Variants in MAP3K13 observed in about 807,000 individuals in gnomAD.
MAP3K13 encodes leucine zipper-bearing kinase.
MAP3K13 carries 52 observed loss-of-function variants against 104.0 expected under a neutral mutation model. The ratio of observed to expected loss-of-function variants is 0.50; its 90% CI spans 0.40 to 0.63. The LOEUF (loss-of-function observed/expected upper bound fraction) is 0.63, where lower values mean the gene tolerates loss of function less well. MAP3K13 is among the 20% of genes least tolerant of loss of function. The pLI is 0.00. For synonymous variants in MAP3K13, 394 were observed against 442.2 expected (o/e 0.89, Z 1.37); for missense variants, 914 against 1,218.5 (o/e 0.75, Z 3.72).
Position 185,451,379 on chromosome 3 carries a change from C to T in MAP3K13, c.1262C>T (p.Thr421Ile). 1 of 1,612,846 alleles carries T rather than the reference C, an allele frequency of 6.2e-7. No individual in the cohort carries two copies. The highest frequency in any genetic ancestry group is 8.5e-7 in the Non-Finnish European group (1 of 1,178,910). The change falls in exon 7 of 14, where the codon ACT becomes ATT. Residue 421 changes from threonine (T) to isoleucine (I), a missense_variant. By Grantham distance (89) the Thr-to-Ile change is moderately conservative (BLOSUM62 -1). Coordinates refer to ENST00000265026, the MANE Select transcript of MAP3K13 (RefSeq NM_004721.5). Reference sequence around the variant, plus strand: ...GATGTACTTGCCACCCCACAAGAAACTTACTTCAAGTCTCAGGTAAGTTGG... The same window carrying T: ...GATGTACTTGCCACCCCACAAGAAATTTACTTCAAGTCTCAGGTAAGTTGG... Reference protein sequence around the residue: ...SADVLATPQETYFKSQAEWRE... With the variant: ...SADVLATPQEIYFKSQAEWRE...
chr3:185,288,395 AAT>A (rs1720608494), intron 2 of MAP3K13, among the ~76,000 whole-genome samples: 1 of 151,094 alleles, frequency 6.6e-6, no homozygotes, highest in East Asian at 1.9e-4. Flanking sequence ...ATGTTCCAGA[AAT>A]ATATATATTT....
chr3:185,290,864 G>T (rs1280479599), intron 2 of MAP3K13, among the ~76,000 whole-genome samples: 1 of 152,104 alleles, frequency 6.6e-6, no homozygotes, highest in Non-Finnish European at 1.5e-5. Context: ...AAGATAAACA[G>T]AATGAGCACA....
chr3:185,329,317 C>G (rs1722161462), intron 2 of MAP3K13: 1 of 694,952 alleles, frequency 1.4e-6, no homozygotes, highest in Non-Finnish European at 2.6e-6. Context: ...ATGTTCTTTC[C>G]AGTTGCTTTT....
chr3:185,373,823 A>ATT (rs148364519), intron 1 of MAP3K13, among the ~76,000 whole-genome samples: 94 of 113,338 alleles, frequency 8.3e-4, no homozygotes, highest in African/African-American at 2.2e-3. Context: ...AGTGAAAAGG[A>ATT]TTTTTTTTTT....
intron 2 of MAP3K13, among the ~76,000 whole-genome samples, chr3:185,310,301 C>A (rs1039311191): frequency 2.6e-5 from 4 of 152,146 alleles, no homozygotes; most frequent in Non-Finnish European, 2.9e-5. Context: ...AATAACTATT[C>A]TTTCCTTCAG....
At chr3:185,285,691 T>C in intron 2 of MAP3K13, 1 of 1,457,696 alleles carries the variant, frequency 6.9e-7, no homozygotes, top group Non-Finnish European at 9.3e-7. Flanking sequence ...TAGACCAATC[T>C]TAAATTTGCC....
chr3:185,421,762 G>T (rs993020862), intron 1 of MAP3K13, among the ~76,000 whole-genome samples: 2 of 152,140 alleles, frequency 1.3e-5, no homozygotes. Flanking sequence ...GGAACCACCT[G>T]TGTTCCCGCA....
chr3:185,320,174 G>A lies in MAP3K13; in HGVS notation c.-86+34531G>A, dbSNP rs139332727. On this transcript the variant is annotated intron_variant, in intron 2 of 14. Transcript: ENST00000424227. Reference sequence around the variant, plus strand: ...CAGCTCACTGCAACCTCCACCTCCCGGATTCAAGCAATTCTCCTGCCTCAG... The same window carrying A: ...CAGCTCACTGCAACCTCCACCTCCCAGATTCAAGCAATTCTCCTGCCTCAG... Among the ~76,000 whole-genome samples the A allele has an allele frequency of 1.6e-3, 236 of 150,740 alleles. 2 individuals are homozygous for A. The highest frequency in any genetic ancestry group is 5.0e-3 in the African/African-American group (205 of 41,048).
chr3:185,326,654 AG>A (rs1329986320), intron 2 of MAP3K13, among the ~76,000 whole-genome samples: 1 of 152,170 alleles, frequency 6.6e-6, no homozygotes, highest in African/African-American at 2.4e-5. Flanking sequence ...TCAGCAAGTA[AG>A]GGATAGAACC....
At chr3:185,321,018 CAT>C (rs898892514) in intron 2 of MAP3K13, among the ~76,000 whole-genome samples, 1 of 117,524 alleles carries the variant, frequency 8.5e-6, no homozygotes, top group African/African-American at 2.8e-5. Context: ...TGTATATATA[CAT>C]ATGTGTGTAT....
At chr3:185,452,050 G>C (rs1015266714) in intron 7 of MAP3K13, among the ~76,000 whole-genome samples, 1 of 152,026 alleles carries the variant, frequency 6.6e-6, no homozygotes, top group Admixed American at 6.6e-5. Flanking sequence ...TATCTTCTTT[G>C]AAGTAGAAAA....
upstream of MAP3K13, among the ~76,000 whole-genome samples, chr3:185,361,097 T>TAC (rs1180489126): frequency 3.7e-5 from 2 of 54,322 alleles, no homozygotes; most frequent in African/African-American, 8.4e-5. Context: ...TATATATATA[T>TAC]ATGTGTGTGT....
Position 185,482,798 on chromosome 3 carries a change from CAAT to C in MAP3K13, c.*346_*348del. On this transcript the variant is annotated 3_prime_UTR_variant, in exon 14 of 14. Coordinates refer to ENST00000265026, the MANE Select transcript of MAP3K13 (RefSeq NM_004721.5). This position sits in a 1 kb window ranked among gnomAD's most constrained non-coding sequence, Gnocchi z 4.5. ...GTGAACTATATATGAGATAGAGAGACAATAATTTCTTGCAAAAAAAAAAAGAGA... is the reference window on the plus strand; with the variant it reads ...GTGAACTATATATGAGATAGAGAGACAATTTCTTGCAAAAAAAAAAAGAGA... The C allele has an allele frequency of 4.4e-6, 1 of 225,300 alleles. No individual in the cohort carries two copies. The highest frequency in any genetic ancestry group is 8.5e-6 in the Non-Finnish European group (1 of 118,176). The allele number at this position is 225,300 out of a possible 1,614,324, so 14.0% of individuals were successfully genotyped here.
At chr3:185,369,077 C>A (rs12152485) in intron 1 of MAP3K13, among the ~76,000 whole-genome samples, 72,782 of 151,930 alleles carry the variant, frequency 0.48, 19,255 homozygotes, top group Middle Eastern at 0.63. Context: ...ATTAGGTACG[C>A]AGCAGTGAAT....
At chr3:185,329,148 T>A in intron 2 of MAP3K13, 1 of 693,494 alleles carries the variant, frequency 1.4e-6, no homozygotes, top group Non-Finnish European at 2.6e-6. Flanking sequence ...AAGAAAGCCG[T>A]GAGGTGTATC....
intron 2 of MAP3K13, 130 bp downstream of exon 2, chr3:185,429,186 A>C (rs2108802644): frequency 6.3e-5 from 52 of 825,774 alleles, no homozygotes; most frequent in Non-Finnish European, 8.4e-5. Flanking sequence ...TGAATACCTC[A>C]TTTCAGTTTC....
chr3:185,363,143 A>G lies in MAP3K13; in HGVS notation c.-311A>G, dbSNP rs1352594980. The G allele has an allele frequency of 5.1e-6, 5 of 984,372 alleles. No homozygotes were observed. The highest frequency in any genetic ancestry group is 4.8e-6 in the Non-Finnish European group (4 of 829,756). 61.0% of individuals were successfully genotyped at this position (984,372 alleles called of 1,614,324 possible). On this transcript the variant is annotated 5_prime_UTR_variant, in exon 1 of 14. Coordinates refer to ENST00000265026, the MANE Select transcript of MAP3K13 (RefSeq NM_004721.5). ...GCCCCTCTTTTTTTTTTCATGACAC[A>G]CACCACAGCGAAGTCTGTGCGGAAT... is the stretch of plus-strand genomic sequence containing the variant.
At chr3:185,400,279 T>C (rs1712717302) in intron 1 of MAP3K13, among the ~76,000 whole-genome samples, 1 of 152,226 alleles carries the variant, frequency 6.6e-6, no homozygotes. Context: ...CTCTGGATGA[T>C]ATTCTCCATA....
intron 2 of MAP3K13, among the ~76,000 whole-genome samples, chr3:185,352,136 A>T (rs974737827): frequency 2.6e-5 from 4 of 152,124 alleles, no homozygotes; most frequent in African/African-American, 9.7e-5. Flanking sequence ...CCACGTACCC[A>T]CCTAAAACTT....
Sources: gnomAD v4.1 joint callset for allele counts (sites outside exome capture counted in the v4.1 genomes callset) on GRCh38, gnomAD v4.1.1 for gene constraint, Gnocchi (gnomAD v3.1) non-coding constraint, MANE v1.5 for transcripts, NCBI Gene and HGNC (gene_info 2026-07-23, HGNC 2026-07-21) for gene names.